Variants in ZNF578 observed in about 807,000 individuals in gnomAD.
ZNF578 encodes the protein zinc finger protein 578.
Under a neutral mutation model 8.3 loss-of-function variants are expected in ZNF578, and 8 were observed. The ratio of observed to expected loss-of-function variants is 0.96; its 90% confidence interval spans 0.56 to 1.74. The LOEUF (loss-of-function observed/expected upper bound fraction) is 1.74, where lower values mean the gene tolerates loss of function less well. Ranked by LOEUF, ZNF578 falls within the 40% of genes most tolerant of loss-of-function variation. The probability of loss-of-function intolerance (pLI) is 0.00; values close to 1 mark genes in which losing one functional copy is unlikely to be tolerated. For synonymous variants in ZNF578, 206 were observed against 232.2 expected, an observed-to-expected ratio of 0.89 and a Z score of 1.03; for missense variants, 726 against 707.5, an observed-to-expected ratio of 1.03 and a Z score of -0.30.
chr19:52,459,693 A>C (rs1292369616), intron 2 of ZNF578, among the ~76,000 whole-genome samples: 1 of 115,810 alleles, frequency 8.6e-6, no homozygotes, highest in East Asian at 3.1e-4. Flanking sequence ...ACTTCTGGGT[A>C]TGAGTGTGTA....
At chr19:52,500,437 C>T (rs61350360) in intron 3 of ZNF578, among the ~76,000 whole-genome samples, 12,160 of 150,334 alleles carry the variant, frequency 0.081, 662 homozygotes, top group East Asian at 0.12. Context: ...GATGAAGTCC[C>T]ATTTTGTCAC....
intron 2 of ZNF578, among the ~76,000 whole-genome samples, chr19:52,488,675 T>A (rs1380476650): frequency 6.6e-6 from 1 of 151,510 alleles, no homozygotes. Flanking sequence ...TCCCAGCTAC[T>A]CGGGAGGCTG....
At chr19:52,469,385 C>T (rs757488965) in intron 2 of ZNF578, among the ~76,000 whole-genome samples, 8 of 152,054 alleles carry the variant, frequency 5.3e-5, no homozygotes, top group Non-Finnish European at 8.8e-5. Flanking sequence ...ATCTCGAACT[C>T]CCGAGCTCAA....
chr19:52,474,534 C>T lies in ZNF578; in HGVS notation c.-121-16790C>T, dbSNP rs111508276. 8.3e-3 allele frequency: 2,490 copies of T among 299,202 alleles called. 68 individuals carry two copies. The highest frequency in any genetic ancestry group is 0.053 in the African/African-American group (2,365 of 44,986). The allele number at this position is 299,202 out of a possible 1,614,324, so 18.5% of individuals were successfully genotyped here. A position where few individuals can be genotyped will look rare whatever the true frequency, so the allele number is the denominator to read the frequency against. ...CAAGGTGTGAACTCTGAGTAAAGAC[C>T]TTGTAACATTCATTACATTTGTAAG... On this transcript the variant is annotated intron_variant, in intron 2 of 5. Coordinates refer to ENST00000421239, the MANE Select transcript of ZNF578 (RefSeq NM_001099694.2).
chr19:52,472,225 G>A (rs554734674), intron 2 of ZNF578, among the ~76,000 whole-genome samples: 1 of 152,128 alleles, frequency 6.6e-6, no homozygotes, highest in Non-Finnish European at 1.5e-5. Flanking sequence ...AACCCTAATG[G>A]TGCATTATTA....
At chr19:52,456,590 C>A (rs2059240455) in intron 1 of ZNF578, 1 of 152,294 alleles carries the variant, frequency 6.6e-6, no homozygotes, top group Non-Finnish European at 1.5e-5. Flanking sequence ...TCCAGCCCAG[C>A]ACCCCACAGC....
intron 2 of ZNF578, among the ~76,000 whole-genome samples, chr19:52,489,805 G>A (rs1374459840): frequency 2.6e-5 from 4 of 151,522 alleles, no homozygotes; most frequent in Non-Finnish European, 5.9e-5. Flanking sequence ...ACAGGCGCCC[G>A]CCACCAATCC....
chr19:52,469,222 G>A (rs2059284773), intron 2 of ZNF578, among the ~76,000 whole-genome samples: 1 of 145,898 alleles, frequency 6.9e-6, no homozygotes, highest in East Asian at 2.0e-4. Context: ...GTGCAGTGGT[G>A]CAATCTTGGC....
At chr19:52,498,682 CG>C (rs2059395846) in intron 3 of ZNF578, among the ~76,000 whole-genome samples, 1 of 70,698 alleles carries the variant, frequency 1.4e-5, no homozygotes, top group African/African-American at 9.2e-5. Context: ...CTCGCCTGGC[CG>C]CTTTTTTTTT....
At chr19:52,488,810 A>G (rs1403312405) in intron 2 of ZNF578, among the ~76,000 whole-genome samples, 4 of 151,538 alleles carry the variant, frequency 2.6e-5, no homozygotes, top group Non-Finnish European at 2.9e-5. Flanking sequence ...AGAAAAAGTA[A>G]GGAATATCAA....
chr19:52,496,213 T>G (rs2059385706), intron 3 of ZNF578, among the ~76,000 whole-genome samples: 1 of 151,886 alleles, frequency 6.6e-6, no homozygotes, highest in South Asian at 2.1e-4. Context: ...GAGACAGGAT[T>G]CACCATCTTG....
At chr19:52,459,769 A>ATATATATATATTTTT (rs1555751349) in intron 2 of ZNF578, among the ~76,000 whole-genome samples, 7 of 17,620 alleles carry the variant, frequency 4.0e-4, no homozygotes, top group Non-Finnish European at 6.0e-4. Flanking sequence ...ATATATATAT[A>ATATATATATATTTTT]TTTTTTTTTT....
intron 5 of ZNF578, 47 bp downstream of exon 5, chr19:52,504,828 C>T: frequency 6.2e-7 from 1 of 1,604,372 alleles, no homozygotes; most frequent in South Asian, 1.1e-5. Flanking sequence ...TCTTGTCTGT[C>T]TTGGCTCTTC....
intron 4 of ZNF578, among the ~76,000 whole-genome samples, chr19:52,502,688 A>C (rs1411924959): frequency 1.3e-5 from 2 of 152,068 alleles, no homozygotes; most frequent in Non-Finnish European, 2.9e-5. Flanking sequence ...CATACACTGA[A>C]ATTTTGCCAC....
chr19:52,484,325 A>G (rs1166184712), intron 2 of ZNF578, among the ~76,000 whole-genome samples: 1 of 152,192 alleles, frequency 6.6e-6, no homozygotes, highest in East Asian at 1.9e-4. Flanking sequence ...TGGGAGACAG[A>G]TGCCTTCCTC....
At chr19:52,496,082 C>A (rs1330340361) in intron 3 of ZNF578, among the ~76,000 whole-genome samples, 2 of 151,808 alleles carry the variant, frequency 1.3e-5, no homozygotes, top group Admixed American at 6.6e-5. Context: ...TGGAGTGGAG[C>A]GATCTGGACT....
intron 2 of ZNF578, among the ~76,000 whole-genome samples, chr19:52,460,280 C>A (rs924390742): frequency 6.0e-5 from 9 of 150,442 alleles, no homozygotes; most frequent in African/African-American, 2.2e-4. Context: ...CAACTGTCCA[C>A]AAATGTTCCA....
intron 2 of ZNF578, chr19:52,458,534 T>C (rs1236337895): frequency 6.7e-6 from 1 of 148,150 alleles, no homozygotes; most frequent in Non-Finnish European, 1.5e-5. Context: ...TTTTTCAATT[T>C]ATTGTCTACA....
At chr19:52,460,559 T>C (rs2059254762) in intron 2 of ZNF578, among the ~76,000 whole-genome samples, 1 of 152,236 alleles carries the variant, frequency 6.6e-6, no homozygotes, top group Admixed American at 6.5e-5. Flanking sequence ...CTATCAGATA[T>C]GTGATTTGCA....
Sources: gnomAD v4.1 joint callset for allele counts (sites outside exome capture counted in the v4.1 genomes callset) on GRCh38, gnomAD v4.1.1 for gene constraint, MANE v1.5 for transcripts, NCBI Gene and HGNC (gene_info 2026-07-23, HGNC 2026-07-21) for gene names.